Variants in SLC35F3 observed in about 807,000 individuals in gnomAD.
The protein encoded by SLC35F3 is putative thiamine transporter SLC35F3.
Under a neutral mutation model 49.9 loss-of-function variants are expected in SLC35F3, and 25 were observed. That is an observed-to-expected ratio of 0.50 (90% CI 0.37 to 0.70). The LOEUF (loss-of-function observed/expected upper bound fraction) is 0.70. SLC35F3 is among the 30% of genes least tolerant of loss of function. SLC35F3 has a pLI of 0.00. For missense variants in SLC35F3, 525 were observed against 639.8 expected (o/e 0.82, Z 1.94); for synonymous variants, 275 against 265.4 (o/e 1.04, Z -0.35).
At chr1:234,106,084 C>T (rs540267641) in intron 2 of SLC35F3, among the ~76,000 whole-genome samples, 21 of 152,288 alleles carry the variant, frequency 1.4e-4, no homozygotes, top group East Asian at 5.8e-4. Context: ...TTTATGACTA[C>T]GGTTTATTAT....
intron 2 of SLC35F3, among the ~76,000 whole-genome samples, chr1:233,962,265 T>C (rs1480488521): frequency 6.6e-6 from 1 of 152,238 alleles, no homozygotes; most frequent in Non-Finnish European, 1.5e-5. Flanking sequence ...GCAGTTTCTA[T>C]TTATCTGTAT....
chr1:233,971,299 G>A (rs1013814896), intron 2 of SLC35F3, among the ~76,000 whole-genome samples: 8 of 152,236 alleles, frequency 5.3e-5, no homozygotes, highest in African/African-American at 1.9e-4. Flanking sequence ...TTACGAAGGA[G>A]AAGAACCACT....
chr1:234,280,169 T>C (rs1373059819), intron 3 of SLC35F3, among the ~76,000 whole-genome samples: 1 of 152,258 alleles, frequency 6.6e-6, no homozygotes, highest in Non-Finnish European at 1.5e-5. Flanking sequence ...GGATTCCTCA[T>C]TGGCTTCAAT....
intron 2 of SLC35F3, among the ~76,000 whole-genome samples, chr1:234,089,688 A>G (rs1232436751): frequency 6.6e-6 from 1 of 152,128 alleles, no homozygotes. Context: ...CTCATAGAAG[A>G]CAGAAAATGA....
chr1:233,999,072 G>A (rs765475923), intron 2 of SLC35F3, among the ~76,000 whole-genome samples: 12 of 152,222 alleles, frequency 7.9e-5, no homozygotes, highest in Non-Finnish European at 2.9e-5. Flanking sequence ...TTACTACATA[G>A]CAAGCATTAG....
chr1:234,101,187 G>T (rs761939425), intron 2 of SLC35F3, among the ~76,000 whole-genome samples: 1 of 152,032 alleles, frequency 6.6e-6, no homozygotes, highest in Non-Finnish European at 1.5e-5. Context: ...CTGCAGTATG[G>T]ACTCAGCACT....
At chr1:234,034,845 A>G (rs1225637325) in intron 2 of SLC35F3, among the ~76,000 whole-genome samples, 4 of 152,186 alleles carry the variant, frequency 2.6e-5, no homozygotes, top group African/African-American at 9.7e-5. Context: ...TTATTACCTT[A>G]AGGTATGTCA....
In SLC35F3 at chr1:234,304,297, G is replaced by T. The variant is rs1572143826; in HGVS notation, c.609-4804G>T. 3.3e-5 allele frequency among the ~76,000 whole-genome samples: 5 copies of T among 152,136 alleles called. 1 individual carries two copies. Among genetic ancestry groups the T allele is most frequent in the Admixed American group, 3.3e-4 (5 of 15,276 alleles). ...ATGCCTCAGCCTCCCAAGTAGCTGGGACTACAGGTGTGTACCACCACACCA... is the reference window on the plus strand; with the variant it reads ...ATGCCTCAGCCTCCCAAGTAGCTGGTACTACAGGTGTGTACCACCACACCA... On this transcript the variant is annotated intron_variant, in intron 3 of 7. Transcript: ENST00000366618.
intron 2 of SLC35F3, among the ~76,000 whole-genome samples, chr1:234,077,006 T>G (rs990024447): frequency 1.4e-4 from 21 of 147,590 alleles, no homozygotes; most frequent in African/African-American, 3.2e-4. Context: ...TTGTTTTTTT[T>G]TTTTTTTTTG....
chr1:234,167,415 A>G (rs984400338), intron 2 of SLC35F3, among the ~76,000 whole-genome samples: 1 of 152,060 alleles, frequency 6.6e-6, no homozygotes, highest in African/African-American at 2.4e-5. Context: ...CCCAGTGGGG[A>G]TGTGCATGAC....
At chr1:234,100,350 T>C (rs1462661526) in intron 2 of SLC35F3, among the ~76,000 whole-genome samples, 3 of 152,192 alleles carry the variant, frequency 2.0e-5, no homozygotes, top group Non-Finnish European at 4.4e-5. Flanking sequence ...CCAATAACAG[T>C]TATATTATTA....
intron 2 of SLC35F3, among the ~76,000 whole-genome samples, chr1:234,035,166 A>T (rs1352278713): frequency 6.6e-5 from 10 of 152,222 alleles, no homozygotes; most frequent in African/African-American, 2.4e-4. Flanking sequence ...AGAACACATC[A>T]TCTAGGAGCA....
At chr1:233,992,939 C>T (rs1474306387) in intron 2 of SLC35F3, among the ~76,000 whole-genome samples, 1 of 152,118 alleles carries the variant, frequency 6.6e-6, no homozygotes, top group Non-Finnish European at 1.5e-5. Context: ...TGGCAGCTCC[C>T]AAAAATCATC....
At chr1:233,988,753 C>A (rs1334401490) in intron 2 of SLC35F3, among the ~76,000 whole-genome samples, 1 of 152,156 alleles carries the variant, frequency 6.6e-6, no homozygotes, top group Admixed American at 6.5e-5. Context: ...GTTTTGTCCT[C>A]GTTATCCTTT....
In SLC35F3 at chr1:234,117,964, G is replaced by GTA. The variant is rs1212715599; in HGVS notation, c.284-113442_284-113441dup. The stretch of plus-strand genomic sequence containing the variant: ...TGTGTGTGTGTGTGTGTGTGTGTGT[G>GTA]TATATATATATAAAACCACAAGAAA... On this transcript the variant is annotated intron_variant, in intron 2 of 7. Transcript: ENST00000366618. Among the ~76,000 whole-genome samples, 13 of 129,900 alleles carry GTA rather than the reference G, an allele frequency of 1.0e-4. 1 individual carries two copies. The highest frequency in any genetic ancestry group is 2.6e-4 in the African/African-American group (10 of 37,886). 85.2% of individuals were successfully genotyped at this position (129,900 alleles called of 152,430 possible). A position where few individuals can be genotyped will look rare whatever the true frequency, so the allele number is the denominator to read the frequency against.
At chr1:234,181,338 G>GAAAAA (rs34757532) in intron 2 of SLC35F3, among the ~76,000 whole-genome samples, 23 of 97,270 alleles carry the variant, frequency 2.4e-4, no homozygotes, top group Non-Finnish European at 3.1e-4. Flanking sequence ...TCTGTCTCAA[G>GAAAAA]AAAAAAAAAA....
intron 3 of SLC35F3, among the ~76,000 whole-genome samples, chr1:234,248,228 T>C (rs1667675719): frequency 6.6e-6 from 1 of 151,890 alleles, no homozygotes; most frequent in Admixed American, 6.5e-5. Context: ...GGTTGGTCCA[T>C]TGTTTGGTGG....
chr1:233,963,855 A>G (rs1020723079), intron 2 of SLC35F3, among the ~76,000 whole-genome samples: 3 of 152,174 alleles, frequency 2.0e-5, no homozygotes, highest in African/African-American at 7.2e-5. Context: ...TTGCACTTAT[A>G]GTTGGCTCTT....
intron 2 of SLC35F3, among the ~76,000 whole-genome samples, chr1:234,038,608 A>G (rs1265396148): frequency 6.6e-6 from 1 of 152,242 alleles, no homozygotes; most frequent in Non-Finnish European, 1.5e-5. Context: ...ACTTCTCAAA[A>G]GAAGACATTT....
Sources: gnomAD v4.1 joint callset for allele counts (sites outside exome capture counted in the v4.1 genomes callset) on GRCh38, gnomAD v4.1.1 for gene constraint, MANE v1.5 for transcripts, NCBI Gene and HGNC (gene_info 2026-07-23, HGNC 2026-07-21) for gene names.